RPS6KC1: variants seen among roughly 807,000 people sequenced by gnomAD.
RPS6KC1 encodes ribosomal protein S6 kinase C1, also known as inactive ribosomal protein S6 kinase delta-1.
RPS6KC1 carries 54 observed loss-of-function variants against 103.8 expected under a neutral mutation model. The observed-to-expected ratio is 0.52, with a 90% CI of 0.42 to 0.65. The LOEUF (loss-of-function observed/expected upper bound fraction) is 0.65, where lower values mean the gene tolerates loss of function less well. Ranked by LOEUF, RPS6KC1 falls within the 30% of genes least tolerant of loss-of-function variation. The pLI, the probability that RPS6KC1 is intolerant of heterozygous loss-of-function variation, is 0.00. For synonymous variants in RPS6KC1, 439 were observed against 438.7 expected (o/e 1.00, Z -0.01); for missense variants, 1,151 against 1,253.8 (o/e 0.92, Z 1.24).
At chr1:213,399,685 C>G in the RPS6KC1 span, among the ~76,000 whole-genome samples, 1 of 152,106 alleles carries the variant, frequency 6.6e-6, no homozygotes, top group Non-Finnish European at 1.5e-5. Flanking sequence ...CCATCCTGCT[C>G]TTTCAGTCCC....
At chr1:213,389,317 A>G in the RPS6KC1 span, among the ~76,000 whole-genome samples, 1 of 152,160 alleles carries the variant, frequency 6.6e-6, no homozygotes, top group East Asian at 1.9e-4. Context: ...TTTACTTGGA[A>G]AAAAAGGTCT....
the RPS6KC1 span, among the ~76,000 whole-genome samples, chr1:213,682,811 C>T: frequency 1.3e-5 from 2 of 152,256 alleles, no homozygotes; most frequent in African/African-American, 2.4e-5. Flanking sequence ...TATAGCATCA[C>T]CCAGGATAAC....
At chr1:213,420,590 G>C in the RPS6KC1 span, among the ~76,000 whole-genome samples, 1 of 152,118 alleles carries the variant, frequency 6.6e-6, no homozygotes, top group Non-Finnish European at 1.5e-5. Flanking sequence ...TGGCAGGAGA[G>C]AGAAAAACTG....
intron 12 of RPS6KC1, among the ~76,000 whole-genome samples, chr1:213,260,496 T>C (rs1237314064): frequency 3.3e-5 from 5 of 152,210 alleles, no homozygotes; most frequent in Non-Finnish European, 7.4e-5. Flanking sequence ...AAGTTTGGGG[T>C]TCTCCCACAC....
chr1:213,430,349 G>A, the RPS6KC1 span, among the ~76,000 whole-genome samples: 2 of 152,182 alleles, frequency 1.3e-5, no homozygotes, highest in South Asian at 2.1e-4. Context: ...AGCTCCACAG[G>A]TAGTTTTTCT....
At chr1:213,152,416 G>C (rs1236605637) in intron 6 of RPS6KC1, among the ~76,000 whole-genome samples, 2 of 150,422 alleles carry the variant, frequency 1.3e-5, no homozygotes, top group African/African-American at 2.4e-5. Flanking sequence ...GGTGGCTGCC[G>C]GGCGGAGACG....
intron 8 of RPS6KC1, among the ~76,000 whole-genome samples, chr1:213,201,063 C>T (rs919787533): frequency 1.3e-5 from 2 of 152,164 alleles, no homozygotes; most frequent in African/African-American, 2.4e-5. Flanking sequence ...GTACAACAGA[C>T]CCCCTTGACA....
the RPS6KC1 span, among the ~76,000 whole-genome samples, chr1:213,360,224 A>G: frequency 6.6e-6 from 1 of 152,156 alleles, no homozygotes; most frequent in Non-Finnish European, 1.5e-5. Flanking sequence ...CTTTTCCCAT[A>G]GTCCCACATT....
the RPS6KC1 span, among the ~76,000 whole-genome samples, chr1:213,701,951 A>G: frequency 2.0e-5 from 3 of 151,872 alleles, no homozygotes; most frequent in South Asian, 4.2e-4. Flanking sequence ...CTTCTCTTCT[A>G]CTAATTTTGG....
At chr1:213,415,452 G>C in the RPS6KC1 span, among the ~76,000 whole-genome samples, 2 of 152,202 alleles carry the variant, frequency 1.3e-5, no homozygotes, top group African/African-American at 2.4e-5. Flanking sequence ...TGAGTCATTT[G>C]GTGACAAGCT....
the RPS6KC1 span, among the ~76,000 whole-genome samples, chr1:213,361,469 G>C: frequency 6.6e-6 from 1 of 152,250 alleles, no homozygotes; most frequent in Non-Finnish European, 1.5e-5. Flanking sequence ...GCTTTGCTTG[G>C]CTATGAAAGG....
the RPS6KC1 span, among the ~76,000 whole-genome samples, chr1:213,720,341 A>G: frequency 1.3e-5 from 2 of 152,250 alleles, no homozygotes; most frequent in Non-Finnish European, 2.9e-5. Context: ...GAGGCTCTTC[A>G]CAAATTTTTC....
chr1:213,411,354 C>CCTCAG, the RPS6KC1 span, among the ~76,000 whole-genome samples: 1 of 152,110 alleles, frequency 6.6e-6, no homozygotes, highest in African/African-American at 2.4e-5. Context: ...TGCTGCAAGC[C>CCTCAG]CTTGGGAGGT....
the RPS6KC1 span, among the ~76,000 whole-genome samples, chr1:213,313,880 G>C: frequency 6.6e-6 from 1 of 152,286 alleles, no homozygotes; most frequent in East Asian, 1.9e-4. Context: ...GTGAACCTGG[G>C]AGGCGGAGCT....
the RPS6KC1 span, chr1:213,820,511 C>T: frequency 6.6e-6 from 1 of 152,270 alleles, no homozygotes; most frequent in Admixed American, 6.5e-5. Context: ...GGACTACCCA[C>T]AGGCTGGCCT....
intron 12 of RPS6KC1, among the ~76,000 whole-genome samples, chr1:213,246,887 C>G (rs1449290167): frequency 6.6e-5 from 10 of 151,974 alleles, no homozygotes. Flanking sequence ...AAGACCTTGT[C>G]TCTTAAAGAA....
chr1:213,293,915 G>A, the RPS6KC1 span, among the ~76,000 whole-genome samples: 1 of 152,110 alleles, frequency 6.6e-6, no homozygotes, highest in Non-Finnish European at 1.5e-5. Context: ...TTGGAAAATA[G>A]GAAACAATTC....
At chr1:213,207,756 C>T (rs566327945) in intron 8 of RPS6KC1, among the ~76,000 whole-genome samples, 1 of 152,126 alleles carries the variant, frequency 6.6e-6, no homozygotes, top group East Asian at 1.9e-4. Context: ...TCACTGCAAC[C>T]TCTGCCTCCT....
chr1:213,831,680 C>T, the RPS6KC1 span, among the ~76,000 whole-genome samples: 1 of 152,076 alleles, frequency 6.6e-6, no homozygotes, highest in Non-Finnish European at 1.5e-5. Flanking sequence ...ATTAATGTAA[C>T]AATTTATTTT....
Sources: allele counts gnomAD v4.1 joint callset (sites outside exome capture counted in the v4.1 genomes callset), GRCh38; gene constraint gnomAD v4.1.1; transcripts MANE v1.5; gene names NCBI Gene and HGNC (gene_info 2026-07-23, HGNC 2026-07-21).